Variants in FCRL6 observed in about 807,000 individuals in gnomAD.
FCRL6 encodes Fc receptor like 6, also known as Fc receptor-like protein 6.
Under a neutral mutation model 49.1 loss-of-function variants are expected in FCRL6, and 50 were observed. That is an observed-to-expected ratio of 1.02 (90% CI 0.81 to 1.29). The LOEUF (loss-of-function observed/expected upper bound fraction) is 1.29. Ranked by LOEUF, FCRL6 falls within the 50% of genes most tolerant of loss-of-function variation. The probability of loss-of-function intolerance (pLI) is 0.00; values close to 1 mark genes in which losing one functional copy is unlikely to be tolerated. For synonymous variants in FCRL6, 213 were observed against 199.6 expected, an observed-to-expected ratio of 1.07 and a Z score of -0.57; for missense variants, 571 against 518.5, an observed-to-expected ratio of 1.10 and a Z score of -0.98.
chr1:159,802,292 G>A (rs931547889), upstream of FCRL6: 3 of 739,182 alleles, frequency 4.1e-6, no homozygotes, highest in African/African-American at 5.3e-5. Flanking sequence ...TTCCTATTTT[G>A]GCTATCAAGC....
At chr1:159,808,743 C>T (rs909928526) in intron 3 of FCRL6, 8 of 611,880 alleles carry the variant, frequency 1.3e-5, no homozygotes, top group Admixed American at 8.9e-5. Context: ...CGAAGGCCCC[C>T]TCTGCCTCTG....
At chr1:159,814,483 CCAT>C (rs1663272508) in intron 8 of FCRL6, among the ~76,000 whole-genome samples, 191 bp downstream of exon 8, 2 of 152,110 alleles carry the variant, frequency 1.3e-5, no homozygotes, top group Non-Finnish European at 1.5e-5. Context: ...CACCTTCACA[CCAT>C]CATCAATGCT....
chr1:159,815,378 A>T (rs1262751952), intron 8 of FCRL6, 50 bp from the exon 9 acceptor site: 1 of 1,590,482 alleles, frequency 6.3e-7, no homozygotes, highest in Non-Finnish European at 8.6e-7. Flanking sequence ...AAGGAGATGT[A>T]CTTGCTGTGG....
At position 159,815,584 on chromosome 1, in the gene FCRL6, G is replaced by T; in HGVS notation, c.1228G>T (p.Val410Phe). 1.2e-6 allele frequency: 2 copies of T among 1,614,194 alleles called. No homozygotes were observed. Among genetic ancestry groups the T allele is most frequent in the Non-Finnish European group, 1.7e-6 (2 of 1,180,018 alleles). ...AEVRCLQPSE[V>F]SSTEVNMRSR... ...GGTGAGATGCCTGCAGCCCAGTGAG[G>T]TTTCATCCACGGAGGTGAATATGAG... is the stretch of plus-strand genomic sequence containing the variant. Residue 410 changes from valine (V) to phenylalanine (F), a missense_variant, in exon 10 of 10, where the codon GTT becomes TTT. Physicochemically the swap from Val to Phe is conservative, Grantham distance 50 (BLOSUM62 -1). Coordinates refer to ENST00000368106, the MANE Select transcript of FCRL6 (RefSeq NM_001004310.3).
intron 6 of FCRL6, among the ~76,000 whole-genome samples, chr1:159,812,406 T>G (rs1663142722): frequency 1.3e-5 from 2 of 152,180 alleles, no homozygotes; most frequent in South Asian, 4.1e-4. Flanking sequence ...CCAAAGTCAA[T>G]TTTTAGAACA....
Position 159,815,772 on chromosome 1 carries a change from T to C in FCRL6, c.*111T>C. ...GGTCCTTCAGTTCCCAAGCCCAGCA[T>C]CACAGAGCCCCCTGAGCCCTTGTCC... is the stretch of plus-strand genomic sequence containing the variant. On this transcript the variant is annotated 3_prime_UTR_variant, in exon 10 of 10. Coordinates refer to ENST00000368106, the MANE Select transcript of FCRL6 (RefSeq NM_001004310.3). The C allele has an allele frequency of 7.3e-7, 1 of 1,379,228 alleles. No individual in the cohort carries two copies. The highest frequency in any genetic ancestry group is 1.0e-6 in the Non-Finnish European group (1 of 997,984). The allele number at this position is 1,379,228 out of a possible 1,614,324, so 85.4% of individuals were successfully genotyped here. A position where few individuals can be genotyped will look rare whatever the true frequency, so the allele number is the denominator to read the frequency against.
intron 6 of FCRL6, among the ~76,000 whole-genome samples, chr1:159,811,170 T>TTAAA (rs1306331742): frequency 6.6e-6 from 1 of 152,260 alleles, no homozygotes; most frequent in Non-Finnish European, 1.5e-5. Flanking sequence ...AGAATGAATG[T>TTAAA]TGGCTCTCAA....
chr1:159,808,780 C>T (rs1662881659), intron 3 of FCRL6, 181 bp from the exon 4 acceptor site: 1 of 649,966 alleles, frequency 1.5e-6, no homozygotes, highest in East Asian at 2.7e-5. Flanking sequence ...AAGGGCCTGG[C>T]TATGTGGGAG....
At position 159,814,226 on chromosome 1, in the gene FCRL6, C is replaced by G. The variant is rs753894422; in HGVS notation, c.1081C>G (p.His361Asp). 5 of 1,613,908 alleles carry G rather than the reference C, an allele frequency of 3.1e-6. No homozygotes were observed. The highest frequency in any genetic ancestry group is 4.2e-6 in the Non-Finnish European group (5 of 1,179,890). ...AGCCTCATTCCTTCTTCCAGTGCATCACCAGAAAGGGAAAGATGAAGGTGT... is the reference window on the plus strand; with the variant it reads ...AGCCTCATTCCTTCTTCCAGTGCATGACCAGAAAGGGAAAGATGAAGGTGT... ...EQCPLYANVH[H>D]QKGKDEGVVY... The change falls in exon 8 of 10, where the codon CAC becomes GAC. Residue 361 changes from histidine to aspartate, a missense_variant. Transcript: ENST00000368106.
intron 6 of FCRL6, among the ~76,000 whole-genome samples, chr1:159,812,171 G>T (rs914481079): frequency 1.4e-4 from 21 of 152,196 alleles, no homozygotes; most frequent in African/African-American, 5.1e-4. Flanking sequence ...TGCTGGTGGT[G>T]ATCTTAATAT....
intron 1 of FCRL6, among the ~76,000 whole-genome samples, chr1:159,803,807 T>G (rs762141985): frequency 6.6e-6 from 1 of 152,176 alleles, no homozygotes; most frequent in Non-Finnish European, 1.5e-5. Context: ...TTGGTCCCAC[T>G]TGATGCTCAG....
At chr1:159,807,424 C>T (rs1662765242) in intron 2 of FCRL6, among the ~76,000 whole-genome samples, 1 of 152,198 alleles carries the variant, frequency 6.6e-6, no homozygotes, top group South Asian at 2.1e-4. Flanking sequence ...GGGACAGATA[C>T]AGACTGGGGA....
chr1:159,809,381 C>G, intron 4 of FCRL6, 21 bp from the exon 5 acceptor site: 1 of 1,569,266 alleles, frequency 6.4e-7, no homozygotes, highest in Non-Finnish European at 8.7e-7. Flanking sequence ...GGCTGAGCCT[C>G]CCACCCCATG....
In FCRL6 at chr1:159,809,036, G is replaced by A. The variant is rs1662902663; in HGVS notation, c.395G>A (p.Cys132Tyr). The change falls in exon 4 of 10, where the codon TGT becomes TAT. Residue 132 changes from cysteine (C) to tyrosine (Y), a missense_variant. Coordinates refer to ENST00000368106, the MANE Select transcript of FCRL6 (RefSeq NM_001004310.3). ...GAGGGTAGCCTGGTGACCCTGAGAT[G>A]TCAGACAAAGCTGCACCCCCTGAGG... is the stretch of plus-strand genomic sequence containing the variant. ...PREGSLVTLR[C>Y]QTKLHPLRSA... 2 of 1,613,938 alleles carry A rather than the reference G, an allele frequency of 1.2e-6. No homozygotes were observed.
At chr1:159,814,122 C>A (rs1663245940) in intron 7 of FCRL6, 99 bp from the exon 8 acceptor site, 3 of 1,106,402 alleles carry the variant, frequency 2.7e-6, no homozygotes, top group Non-Finnish European at 4.1e-6. Flanking sequence ...ATCACCATAA[C>A]AGAGCCCCTG....
In FCRL6 at chr1:159,808,826, G is replaced by A. The variant is rs1662884625; in HGVS notation, c.320-135G>A. 24 of 841,268 alleles carry A rather than the reference G, an allele frequency of 2.9e-5. No homozygotes were observed. In the South Asian group the frequency reaches 4.4e-4, roughly 16 times the overall value. 52.1% of individuals were successfully genotyped at this position (841,268 alleles called of 1,614,324 possible). A position where few individuals can be genotyped will look rare whatever the true frequency, so the allele number is the denominator to read the frequency against. ...GTTTGTGGGTGAGGGTAAGAGGACG[G>A]GTCCTAGGGATGAAACTGCCTCCCA... On this transcript the variant is annotated intron_variant, in intron 3 of 9. Transcript: ENST00000368106.
intron 6 of FCRL6, among the ~76,000 whole-genome samples, chr1:159,811,542 C>A (rs991041760): frequency 6.6e-6 from 1 of 152,202 alleles, no homozygotes; most frequent in African/African-American, 2.4e-5. Context: ...ACCAGGGTAC[C>A]TGAAAAGGTC....
At chr1:159,811,539 T>C (rs2101754750) in intron 6 of FCRL6, among the ~76,000 whole-genome samples, 1 of 152,306 alleles carries the variant, frequency 6.6e-6, no homozygotes, top group Admixed American at 6.5e-5. Context: ...TCCACCAGGG[T>C]ACCTGAAAAG....
At chr1:159,802,237 C>T, upstream of FCRL6, 1 of 567,338 alleles carries the variant, frequency 1.8e-6, no homozygotes. Flanking sequence ...ACTTCTTCAA[C>T]CAAAGAGGAA....
Sources: gnomAD v4.1 joint callset for allele counts (sites outside exome capture counted in the v4.1 genomes callset) on GRCh38, gnomAD v4.1.1 for gene constraint, MANE v1.5 for transcripts, NCBI Gene and HGNC (gene_info 2026-07-23, HGNC 2026-07-21) for gene names.